The following TENM1 variants were observed in gnomAD, a reference collection of about 807,000 sequenced individuals.
TENM1 encodes teneurin transmembrane protein 1.
TENM1 carries 35 observed loss-of-function variants against 174.8 expected under a neutral mutation model. That is an observed-to-expected ratio of 0.20 (90% CI 0.15 to 0.27). The LOEUF is 0.27. TENM1 is among the 10% of genes least tolerant of loss of function. TENM1 has a pLI of 1.00. For missense variants in TENM1, 1,633 were observed against 2,130.1 expected, an observed-to-expected ratio of 0.77 and a Z score of 4.59; for synonymous variants, 781 against 798.7, an observed-to-expected ratio of 0.98 and a Z score of 0.37.
At chrX:124,813,545 A>C (rs1303967213) in intron 3 of TENM1, among the ~76,000 whole-genome samples, 1 of 111,932 alleles carries the variant, frequency 8.9e-6, no homozygotes, top group African/African-American at 3.2e-5. Context: ...AGCCAACTTA[A>C]ATTTCCATTG....
At chrX:124,569,530 A>G (rs1350625104) in intron 11 of TENM1, among the ~76,000 whole-genome samples, 1 of 112,334 alleles carries the variant, frequency 8.9e-6, no homozygotes, top group East Asian at 2.8e-4. Flanking sequence ...GTCTTGATAT[A>G]TTTAGAAGTA....
chrX:124,755,271 T>C, intron 3 of TENM1, among the ~76,000 whole-genome samples: 1 of 110,434 alleles, frequency 9.1e-6, no homozygotes, highest in Non-Finnish European at 1.9e-5. Context: ...TTGATCTTTG[T>C]TGGTTTAAAG....
At position 124,677,728 on chromosome X, in the gene TENM1, C is replaced by A. The variant is rs1049971736; in HGVS notation, c.1016-5893G>T. Among the ~76,000 whole-genome samples the A allele has an allele frequency of 4.5e-5, 5 of 111,273 alleles. 1 individual carries two copies. The highest frequency in any genetic ancestry group is 1.6e-4 in the African/African-American group (5 of 30,658). On this transcript the variant is annotated intron_variant, in intron 5 of 31. Coordinates refer to ENST00000422452, the Ensembl canonical transcript of TENM1. ...AAAAGGACTGATACTGAGAAATTAT[C>A]AGATTGAAGGAAACTAAGGAGACAT...
intron 1 of TENM1, among the ~76,000 whole-genome samples, chrX:124,960,804 A>G (rs758638645): frequency 1.8e-5 from 2 of 112,499 alleles, no homozygotes; most frequent in African/African-American, 6.4e-5. Context: ...AAACTTACAG[A>G]TAAGTATTTT....
chrX:124,380,242 G>A (rs1268662464), exon 32 of TENM1: 1 of 237,289 alleles, frequency 4.2e-6, no homozygotes, highest in Non-Finnish European at 7.4e-6. Context: ...TGGAACATAT[G>A]CATGGCTCGG....
the TENM1 span, among the ~76,000 whole-genome samples, chrX:125,058,084 A>C: frequency 8.9e-6 from 1 of 112,205 alleles, no homozygotes; most frequent in African/African-American, 3.2e-5. Context: ...AAAGTGGTGA[A>C]TCTTGGCAGC....
chrX:124,897,597 T>C (rs985454293), intron 1 of TENM1, among the ~76,000 whole-genome samples: 5 of 112,715 alleles, frequency 4.4e-5, no homozygotes, highest in Non-Finnish European at 1.9e-5. Flanking sequence ...GTTTACTTAA[T>C]ACCACTAGGT....
At chrX:124,442,768 C>T (rs751680144) in intron 23 of TENM1, among the ~76,000 whole-genome samples, 20 of 110,826 alleles carry the variant, frequency 1.8e-4, no homozygotes, top group Middle Eastern at 9.3e-3. Context: ...TTAAGGTGAT[C>T]CTCCCAACTT....
chrX:125,176,303 C>T, the TENM1 span, among the ~76,000 whole-genome samples: 1 of 111,802 alleles, frequency 8.9e-6, no homozygotes, highest in African/African-American at 3.2e-5. Context: ...GTAAGATAGC[C>T]CTGTCAGTAA....
At position 124,908,723 on chromosome X, in the gene TENM1, T is replaced by G. The variant is rs2057788668; in HGVS notation, c.218-12482A>C. Among the ~76,000 whole-genome samples, 3 of 111,628 alleles carry G rather than the reference T, an allele frequency of 2.7e-5. No individual in the cohort carries two copies. In the South Asian group the frequency reaches 1.1e-3, roughly 43 times the overall value. Reference sequence around the variant, plus strand: ...TTGGATTTACTTTCTTCTTCCTCTTTTTTAATATGTAAAACTGCATGTTCC... The same window carrying G: ...TTGGATTTACTTTCTTCTTCCTCTTGTTTAATATGTAAAACTGCATGTTCC... On this transcript the variant is annotated intron_variant, in intron 1 of 31. Transcript: ENST00000422452.
At chrX:124,986,639 T>TGTTG in the TENM1 span, among the ~76,000 whole-genome samples, 1 of 110,654 alleles carries the variant, frequency 9.0e-6, no homozygotes, top group Non-Finnish European at 1.9e-5. Flanking sequence ...CTTTTTTGTT[T>TGTTG]GTTTGTTTGT....
intron 11 of TENM1, among the ~76,000 whole-genome samples, chrX:124,620,030 A>T (rs1240564016): frequency 1.8e-5 from 2 of 112,361 alleles, no homozygotes; most frequent in Non-Finnish European, 3.8e-5. Context: ...CAAATCCTCT[A>T]AAAAGGAAAT....
At position 124,380,395 on chromosome X, in the gene TENM1, C is replaced by T. The variant is rs760845129; in HGVS notation, c.*141G>A. 7.3e-5 allele frequency: 36 copies of T among 493,996 alleles called. 1 individual carries two copies. The highest frequency in any genetic ancestry group is 5.0e-4 in the Middle Eastern group (1 of 1,993). 40.7% of individuals were successfully genotyped at this position (493,996 alleles called of 1,213,427 possible). The stretch of plus-strand genomic sequence containing the variant: ...CAAACAATATTAAAATACCATCTTC[C>T]GTCACATTGAAAGGCAGTTGGATAT... On this transcript the variant is annotated 3_prime_UTR_variant, in exon 32 of 32. Coordinates refer to ENST00000422452, the Ensembl canonical transcript of TENM1.
intron 11 of TENM1, among the ~76,000 whole-genome samples, chrX:124,580,676 A>G (rs956303494): frequency 9.0e-6 from 1 of 111,306 alleles, no homozygotes; most frequent in East Asian, 2.8e-4. Flanking sequence ...CATAGTTAAT[A>G]TAATTGTACT....
the TENM1 span, among the ~76,000 whole-genome samples, chrX:124,979,593 A>C: frequency 8.9e-6 from 1 of 111,784 alleles, no homozygotes; most frequent in East Asian, 2.8e-4. Flanking sequence ...AATTACATAT[A>C]GGTCTCAGAT....
At chrX:124,587,027 G>T (rs1417893775) in intron 11 of TENM1, among the ~76,000 whole-genome samples, 6 of 109,125 alleles carry the variant, frequency 5.5e-5, no homozygotes, top group Admixed American at 2.0e-4. Flanking sequence ...CACTGCTCAA[G>T]GAAATAAAAG....
At chrX:124,790,353 T>C (rs1163336546) in intron 3 of TENM1, among the ~76,000 whole-genome samples, 1 of 112,489 alleles carries the variant, frequency 8.9e-6, no homozygotes, top group East Asian at 2.8e-4. Context: ...TTGGAATGTA[T>C]GTGGTTGTAC....
At chrX:124,757,387 G>A (rs2054286499) in intron 3 of TENM1, among the ~76,000 whole-genome samples, 1 of 112,449 alleles carries the variant, frequency 8.9e-6, no homozygotes, top group African/African-American at 3.2e-5. Flanking sequence ...TTTTCCAGGT[G>A]CCGTCTATCA....
chrX:124,428,033 G>A (rs1321105598), intron 23 of TENM1, among the ~76,000 whole-genome samples: 1 of 111,716 alleles, frequency 9.0e-6, no homozygotes, highest in Non-Finnish European at 1.9e-5. Context: ...CAAACTATTT[G>A]GCCTCATTTG....
Sources: gnomAD v4.1 joint callset for allele counts (sites outside exome capture counted in the v4.1 genomes callset) on GRCh38, gnomAD v4.1.1 for gene constraint, MANE v1.5 for transcripts, NCBI Gene and HGNC (gene_info 2026-07-23, HGNC 2026-07-21) for gene names.